SLC12A6: variants seen among roughly 807,000 people sequenced by gnomAD.
SLC12A6 encodes the protein solute carrier family 12 member 6.
A neutral mutation model predicts 135.3 loss-of-function variants in SLC12A6; 66 were observed. That is an observed-to-expected ratio of 0.49 (90% CI 0.40 to 0.60). The LOEUF is 0.60. Ranked by LOEUF, SLC12A6 falls within the 20% of genes least tolerant of loss-of-function variation. The pLI, the probability that SLC12A6 is intolerant of heterozygous loss-of-function variation, is 0.00. For missense variants in SLC12A6, 1,058 were observed against 1,452.3 expected (o/e 0.73, Z 4.41); for synonymous variants, 513 against 508.8 (o/e 1.01, Z -0.11).
intron 2 of SLC12A6, chr15:34,314,826 T>TAAAAAA (rs566307709): frequency 1.0e-4 from 14 of 136,020 alleles, no homozygotes; most frequent in Non-Finnish European, 9.5e-5. Flanking sequence ...TGACCAGCCT[T>TAAAAAA]AAAAAAAAAA....
chr15:34,280,776 A>G (rs1262633835), intron 2 of SLC12A6, among the ~76,000 whole-genome samples: 1 of 152,230 alleles, frequency 6.6e-6, no homozygotes, highest in South Asian at 2.1e-4. Flanking sequence ...TATGGACTCA[A>G]CCTGGGTGTC....
intron 13 of SLC12A6, among the ~76,000 whole-genome samples, chr15:34,247,877 T>G (rs913675312): frequency 1.3e-5 from 2 of 152,254 alleles, no homozygotes; most frequent in East Asian, 3.9e-4. Flanking sequence ...GCTAATTTTT[T>G]ACTTTCTGTA....
intron 3 of SLC12A6, among the ~76,000 whole-genome samples, chr15:34,273,551 G>A (rs578141554): frequency 2.6e-4 from 39 of 152,192 alleles, no homozygotes; most frequent in African/African-American, 9.4e-4. Context: ...ATTAACCCAA[G>A]GACTATCCTA....
intron 25 of SLC12A6, 61 bp from the exon 26 acceptor site, chr15:34,234,033 C>G: frequency 1.2e-6 from 1 of 854,348 alleles, no homozygotes; most frequent in Non-Finnish European, 2.1e-6. Flanking sequence ...CTGGCATCAT[C>G]ATAATCTGAG....
In SLC12A6 at chr15:34,257,548, G is replaced by A. The variant is rs1892835751; in HGVS notation, c.690+94C>T. On this transcript the variant is annotated intron_variant, in intron 6 of 25. Coordinates refer to ENST00000354181, the MANE Select transcript of SLC12A6 (RefSeq NM_001365088.1). ...GTTGAGATCATGAGTCCTTCCCTAA[G>A]TATTCTTTGTTTTATTCCCAAAGAG... 30 of 919,386 alleles carry A rather than the reference G, an allele frequency of 3.3e-5. No homozygotes were observed. In the South Asian group the frequency reaches 3.9e-4, roughly 12 times the overall value. The allele number at this position is 919,386 out of a possible 1,614,324, so 57.0% of individuals were successfully genotyped here. A position where few individuals can be genotyped will look rare whatever the true frequency, so the allele number is the denominator to read the frequency against.
At chr15:34,310,174 AGTGTGT>A (rs60783164) in intron 2 of SLC12A6, among the ~76,000 whole-genome samples, 2,726 of 127,778 alleles carry the variant, frequency 0.021, 45 homozygotes, top group African/African-American at 0.028. Context: ...ACGCCCAGCT[AGTGTGT>A]GTGTGTGTGT....
chr15:34,305,545 G>A (rs1002586008), intron 2 of SLC12A6, among the ~76,000 whole-genome samples: 1 of 151,706 alleles, frequency 6.6e-6, no homozygotes, highest in Non-Finnish European at 1.5e-5. Flanking sequence ...TATTAGAGTT[G>A]ACAACAGATT....
At chr15:34,319,199 G>A (rs1039122199) in intron 2 of SLC12A6, among the ~76,000 whole-genome samples, 1 of 149,802 alleles carries the variant, frequency 6.7e-6, no homozygotes, top group Non-Finnish European at 1.5e-5. Context: ...GCAGTAGTGC[G>A]ATCTCAGCTC....
intron 2 of SLC12A6, among the ~76,000 whole-genome samples, chr15:34,280,034 G>A (rs935501748): frequency 1.2e-4 from 19 of 152,342 alleles, no homozygotes; most frequent in African/African-American, 4.6e-4. Flanking sequence ...TGAAATGATT[G>A]TGGGTGGTAC....
chr15:34,286,935 T>C (rs765073920), intron 2 of SLC12A6, among the ~76,000 whole-genome samples: 5 of 151,910 alleles, frequency 3.3e-5, no homozygotes, highest in African/African-American at 7.3e-5. Flanking sequence ...AAATTACTTA[T>C]AACAATTTGC....
chr15:34,313,860 T>C (rs1888434108), intron 2 of SLC12A6, among the ~76,000 whole-genome samples: 1 of 150,914 alleles, frequency 6.6e-6, no homozygotes, highest in Non-Finnish European at 1.5e-5. Context: ...CAGTCTCAGC[T>C]ACTAGGAGGC....
intron 3 of SLC12A6, among the ~76,000 whole-genome samples, chr15:34,266,961 C>T (rs1325019429): frequency 6.6e-6 from 1 of 151,930 alleles, no homozygotes; most frequent in Non-Finnish European, 1.5e-5. Flanking sequence ...TTTGTTTTTT[C>T]TCTATGACTC....
intron 2 of SLC12A6, among the ~76,000 whole-genome samples, chr15:34,289,282 T>C (rs1895345188): frequency 6.6e-6 from 1 of 152,196 alleles, no homozygotes; most frequent in Admixed American, 6.5e-5. Context: ...TATGTTGGAT[T>C]ACGTTTATTG....
chr15:34,243,955 A>G lies in SLC12A6; in HGVS notation c.2042+19T>C, dbSNP rs755118125. On this transcript the variant is annotated intron_variant, in intron 16 of 25. Coordinates refer to ENST00000354181, the MANE Select transcript of SLC12A6 (RefSeq NM_001365088.1). ...TTCTCTCCAAACGTGAGTAAAAAGA[A>G]TAAAAGAAGCAGACTTACCAATGGT... 8 of 1,402,150 alleles carry G rather than the reference A, an allele frequency of 5.7e-6. No individual in the cohort carries two copies. Among genetic ancestry groups the G allele is most frequent in the Non-Finnish European group, 7.1e-6 (7 of 986,418 alleles). The allele number at this position is 1,402,150 out of a possible 1,614,324, so 86.9% of individuals were successfully genotyped here.
At chr15:34,319,538 C>T (rs1298453532) in intron 2 of SLC12A6, among the ~76,000 whole-genome samples, 1 of 152,102 alleles carries the variant, frequency 6.6e-6, no homozygotes, top group Admixed American at 6.5e-5. Context: ...GTTGCTCACA[C>T]CTGTAATCCT....
At chr15:34,301,031 C>A (rs1374921604) in intron 2 of SLC12A6, among the ~76,000 whole-genome samples, 2 of 152,008 alleles carry the variant, frequency 1.3e-5, no homozygotes, top group Non-Finnish European at 2.9e-5. Flanking sequence ...TGCAATGGCG[C>A]GATCTCGGCT....
At chr15:34,264,467 G>A (rs1422802939) in intron 3 of SLC12A6, among the ~76,000 whole-genome samples, 1 of 152,200 alleles carries the variant, frequency 6.6e-6, no homozygotes, top group Admixed American at 6.5e-5. Context: ...TTCAGAATGT[G>A]AGAAATTTTA....
chr15:34,256,361 A>C lies in SLC12A6; in HGVS notation c.691-78T>G. ...ATACTACTTCTCCATTTGTGTTCCA[A>C]GAGCACTTGGCAAACATTTAACTCT... On this transcript the variant is annotated intron_variant, in intron 6 of 25. Transcript: ENST00000354181. 4 of 1,007,248 alleles carry C rather than the reference A, an allele frequency of 4.0e-6. No individual in the cohort carries two copies. In the South Asian group the frequency reaches 5.2e-5, roughly 13 times the overall value. The allele number at this position is 1,007,248 out of a possible 1,614,324, so 62.4% of individuals were successfully genotyped here.
chr15:34,276,267 A>G (rs190196318), intron 2 of SLC12A6, among the ~76,000 whole-genome samples: 90 of 152,354 alleles, frequency 5.9e-4, no homozygotes, highest in African/African-American at 2.1e-3. Context: ...ATGACAAAAA[A>G]TACTTATGGC....
Sources: gnomAD v4.1 joint callset for allele counts (sites outside exome capture counted in the v4.1 genomes callset) on GRCh38, gnomAD v4.1.1 for gene constraint, MANE v1.5 for transcripts, NCBI Gene and HGNC (gene_info 2026-07-23, HGNC 2026-07-21) for gene names.